UNKL: variants seen among roughly 807,000 people sequenced by gnomAD.
UNKL encodes the protein putative E3 ubiquitin-protein ligase UNKL.
A neutral mutation model predicts 78.0 loss-of-function variants in UNKL; 60 were observed. The observed-to-expected ratio is 0.77, with a 90% CI of 0.63 to 0.95. UNKL has a LOEUF of 0.95. Ranked by LOEUF, UNKL falls within the 40% of genes least tolerant of loss-of-function variation. The probability of loss-of-function intolerance (pLI) is 0.00; values close to 1 mark genes in which losing one functional copy is unlikely to be tolerated. For synonymous variants in UNKL, 608 were observed against 474.8 expected (o/e 1.28, Z -3.65); for missense variants, 1,159 against 1,045.7 (o/e 1.11, Z -1.49).
intron 2 of UNKL, among the ~76,000 whole-genome samples, chr16:1,406,532 G>A (rs923158277): frequency 3.3e-5 from 5 of 152,078 alleles, no homozygotes; most frequent in Admixed American, 3.3e-4. Flanking sequence ...TGTAGAGACA[G>A]AATCTTGCTG....
At chr16:1,393,214 G>C (rs759163761) in intron 7 of UNKL, among the ~76,000 whole-genome samples, 2 of 152,202 alleles carry the variant, frequency 1.3e-5, no homozygotes, top group Non-Finnish European at 2.9e-5. Flanking sequence ...ACGTGAACAA[G>C]AATAGCTGCC....
intron 2 of UNKL, among the ~76,000 whole-genome samples, chr16:1,409,476 G>T (rs374680048): frequency 6.6e-6 from 1 of 152,088 alleles, no homozygotes; most frequent in African/African-American, 2.4e-5. Context: ...TCATTCACAC[G>T]CTACAAACAA....
chr16:1,393,220 C>A (rs2037121921), intron 7 of UNKL, among the ~76,000 whole-genome samples: 1 of 152,230 alleles, frequency 6.6e-6, no homozygotes, highest in South Asian at 2.1e-4. Flanking sequence ...ACAAGAATAG[C>A]TGCCCTCCCC....
intron 2 of UNKL, among the ~76,000 whole-genome samples, chr16:1,405,324 A>C (rs532809319): frequency 1.1e-3 from 162 of 152,016 alleles, no homozygotes; most frequent in African/African-American, 3.3e-3. Flanking sequence ...AGCTGGGTAC[A>C]GTGGCTCACG....
intron 5 of UNKL, among the ~76,000 whole-genome samples, chr16:1,397,514 C>CCCCA (rs1455985874): frequency 3.3e-5 from 2 of 61,220 alleles, no homozygotes; most frequent in African/African-American, 1.3e-4. Context: ...ACTTGGCTCC[C>CCCCA]CCACCCCGAC....
chr16:1,376,476 G>A (rs1244663319), intron 10 of UNKL, among the ~76,000 whole-genome samples: 1 of 149,786 alleles, frequency 6.7e-6, no homozygotes, highest in Non-Finnish European at 1.5e-5. Context: ...CTCCAGGGCT[G>A]GGGTGCACTC....
rs376582102 is a variant in UNKL at position 1,392,788 on chromosome 16, T to C, written c.1023+103A>G. The C allele has an allele frequency of 3.8e-4, 517 of 1,358,724 alleles. 7 individuals carry two copies. The South Asian group carries it at 6.2e-3, about 16-fold the overall frequency. The allele number at this position is 1,358,724 out of a possible 1,614,324, so 84.2% of individuals were successfully genotyped here. On this transcript the variant is annotated intron_variant, in intron 8 of 14. Coordinates refer to ENST00000389221, the MANE Select transcript of UNKL (RefSeq NM_001372107.1). The stretch of plus-strand genomic sequence containing the variant: ...TAGAAGAGCCACGAACTCCACAGAC[T>C]GCCCACGACCACATTGCTGAAAACT...
At chr16:1,379,963 G>A (rs181146958) in intron 10 of UNKL, among the ~76,000 whole-genome samples, 1 of 152,302 alleles carries the variant, frequency 6.6e-6, no homozygotes, top group Admixed American at 6.5e-5. Context: ...GGCGGACTCA[G>A]GTGAAACACG....
intron 10 of UNKL, among the ~76,000 whole-genome samples, chr16:1,377,465 C>A (rs1204230511): frequency 6.6e-6 from 1 of 152,138 alleles, no homozygotes; most frequent in East Asian, 1.9e-4. Context: ...AGCCCTCCCT[C>A]CCTGAGTCCT....
intron 10 of UNKL, among the ~76,000 whole-genome samples, chr16:1,376,988 C>T (rs1480263818): frequency 1.3e-5 from 2 of 151,964 alleles, no homozygotes; most frequent in Non-Finnish European, 2.9e-5. Flanking sequence ...TACCTAGGTG[C>T]GACGCCTGGG....
At chr16:1,381,244 T>C (rs757584085) in intron 10 of UNKL, among the ~76,000 whole-genome samples, 1 of 152,242 alleles carries the variant, frequency 6.6e-6, no homozygotes, top group Non-Finnish European at 1.5e-5. Context: ...TTTTCTGCTA[T>C]GCTCAAATTC....
At chr16:1,396,880 A>G (rs1183073891) in intron 6 of UNKL, among the ~76,000 whole-genome samples, 1 of 152,146 alleles carries the variant, frequency 6.6e-6, no homozygotes, top group Admixed American at 6.6e-5. Flanking sequence ...TACTGCACCC[A>G]GACCTGAATA....
At chr16:1,407,556 C>T (rs571812043) in intron 2 of UNKL, among the ~76,000 whole-genome samples, 74 of 152,094 alleles carry the variant, frequency 4.9e-4, no homozygotes, top group Middle Eastern at 3.4e-3. Flanking sequence ...TTCAGCTGGG[C>T]GTGGTGGTGT....
At chr16:1,377,529 G>A (rs531341231) in intron 10 of UNKL, among the ~76,000 whole-genome samples, 1 of 151,782 alleles carries the variant, frequency 6.6e-6, no homozygotes, top group South Asian at 2.1e-4. Flanking sequence ...GCTGTTTTCT[G>A]GGGCCTCCTC....
intron 10 of UNKL, among the ~76,000 whole-genome samples, chr16:1,373,069 T>A (rs868757941): frequency 3.9e-3 from 19 of 4,886 alleles, no homozygotes; most frequent in African/African-American, 0.033. Flanking sequence ...ACTGCCGGCC[T>A]ACACCGCACA....
intron 10 of UNKL, chr16:1,379,402 G>C: frequency 1.1e-6 from 1 of 902,648 alleles, no homozygotes; most frequent in Non-Finnish European, 1.3e-6. Context: ...CCGAGCCCGC[G>C]CTGGGAAGCG....
chr16:1,367,803 G>T lies in UNKL; in HGVS notation c.1641C>A (p.Pro547=). The stretch of plus-strand genomic sequence containing the variant: ...CGGCACTCAGGATGGGGGAGGGGCT[G>T]GGGGAGAAGCTGCCGGAAACAAAGT... ...IWDFVSGSFS[P]SPSPILSAGP... The change falls in exon 13 of 15, where the codon CCC becomes CCA. Residue 547 remains proline, a synonymous_variant. Coordinates refer to ENST00000389221, the MANE Select transcript of UNKL (RefSeq NM_001372107.1). The T allele has an allele frequency of 1.3e-6, 2 of 1,576,016 alleles. No individual in the cohort carries two copies. The highest frequency in any genetic ancestry group is 1.7e-6 in the Non-Finnish European group (2 of 1,161,674).
intron 10 of UNKL, among the ~76,000 whole-genome samples, chr16:1,383,043 A>T (rs2036661811): frequency 6.7e-6 from 1 of 150,006 alleles, no homozygotes; most frequent in South Asian, 2.1e-4. Context: ...GCAGATCACG[A>T]GGTCAGGAGA....
intron 14 of UNKL, among the ~76,000 whole-genome samples, chr16:1,366,827 C>G (rs1343954034): frequency 1.3e-5 from 2 of 151,178 alleles, no homozygotes; most frequent in African/African-American, 4.9e-5. Flanking sequence ...GATGGGGCCA[C>G]GGGGAGCAGT....
Sources: gnomAD v4.1 joint callset for allele counts (sites outside exome capture counted in the v4.1 genomes callset) on GRCh38, gnomAD v4.1.1 for gene constraint, MANE v1.5 for transcripts, NCBI Gene and HGNC (gene_info 2026-07-23, HGNC 2026-07-21) for gene names.